The following ZNF407 variants were observed in gnomAD, a reference collection of about 807,000 sequenced individuals.
ZNF407 encodes zinc finger protein 407.
A neutral mutation model predicts 131.2 loss-of-function variants in ZNF407; 17 were observed. That is an observed-to-expected ratio of 0.13 (90% CI 0.09 to 0.19). The LOEUF (loss-of-function observed/expected upper bound fraction) is 0.19, where lower values mean the gene tolerates loss of function less well. Among genes scored for constraint, ZNF407 ranks in the 10% least tolerant of loss-of-function variants. ZNF407 has a pLI of 1.00. For missense variants in ZNF407, 2,681 were observed against 2,830.6 expected (o/e 0.95, Z 1.20); for synonymous variants, 1,156 against 1,062.0 (o/e 1.09, Z -1.72).
At chr18:74,714,584 A>C (rs1337647580) in intron 3 of ZNF407, among the ~76,000 whole-genome samples, 1 of 152,234 alleles carries the variant, frequency 6.6e-6, no homozygotes, top group Non-Finnish European at 1.5e-5. Context: ...TTTGAAGACT[A>C]GTAACTCTTT....
At chr18:75,043,602 C>A (rs1165182060) in intron 8 of ZNF407, among the ~76,000 whole-genome samples, 1 of 152,230 alleles carries the variant, frequency 6.6e-6, no homozygotes, top group Non-Finnish European at 1.5e-5. Flanking sequence ...GCTCCCATTT[C>A]TGCATCTCTA....
chr18:74,864,469 A>G (rs1285257833), intron 4 of ZNF407, among the ~76,000 whole-genome samples: 1 of 152,204 alleles, frequency 6.6e-6, no homozygotes, highest in Admixed American at 6.5e-5. Flanking sequence ...GACCTCCTTC[A>G]AGCAGTTTGG....
chr18:74,917,824 G>A (rs1971793307), intron 7 of ZNF407, among the ~76,000 whole-genome samples: 1 of 152,132 alleles, frequency 6.6e-6, no homozygotes, highest in African/African-American at 2.4e-5. Flanking sequence ...GATGTTTCAT[G>A]CCTAGCATTT....
intron 3 of ZNF407, among the ~76,000 whole-genome samples, chr18:74,655,362 A>G (rs1192724822): frequency 6.6e-6 from 1 of 152,070 alleles, no homozygotes; most frequent in African/African-American, 2.4e-5. Context: ...TTAGAACATA[A>G]TTTAATCAAG....
intron 8 of ZNF407, among the ~76,000 whole-genome samples, chr18:75,041,531 T>C (rs1973372998): frequency 6.6e-6 from 1 of 151,634 alleles, no homozygotes; most frequent in African/African-American, 2.4e-5. Flanking sequence ...ACGATGTCTT[T>C]TTAGCCATGA....
At position 74,738,291 on chromosome 18, in the gene ZNF407, G is replaced by A. The variant is rs571353084; in HGVS notation, c.4803-43137G>A. 4.6e-5 allele frequency among the ~76,000 whole-genome samples: 7 copies of A among 151,916 alleles called. No individual in the cohort carries two copies. In the South Asian group the frequency reaches 8.3e-4, roughly 18 times the overall value. ...AAAAATTAGCCAGGTGTGGCGGTGC[G>A]TGCCTGTAGTCCCAGCTACTTGGGA... is the stretch of plus-strand genomic sequence containing the variant. On this transcript the variant is annotated intron_variant, in intron 3 of 8. Transcript: ENST00000299687.
At position 74,869,364 on chromosome 18, in the gene ZNF407, A is replaced by G. The variant is rs75640973; in HGVS notation, c.4878-7833A>G. On this transcript the variant is annotated intron_variant, in intron 4 of 8. Coordinates refer to ENST00000299687, the MANE Select transcript of ZNF407 (RefSeq NM_017757.3). ...GACTTGACTTCTATGGTTAGTTAAAATTGTTTCAACTTTCCAAGCCCTGCA... is the reference window on the plus strand; with the variant it reads ...GACTTGACTTCTATGGTTAGTTAAAGTTGTTTCAACTTTCCAAGCCCTGCA... 7.0e-3 allele frequency among the ~76,000 whole-genome samples: 1,068 copies of G among 152,304 alleles called. 36 individuals are homozygous for G. The highest frequency in any genetic ancestry group is 0.069 in the East Asian group (358 of 5,186).
intron 4 of ZNF407, among the ~76,000 whole-genome samples, chr18:74,795,142 A>G (rs1019643312): frequency 6.6e-6 from 1 of 152,196 alleles, no homozygotes. Context: ...TCTAGAGAAT[A>G]TTATACAAAT....
At chr18:74,600,869 A>G (rs977086159) in intron 1 of ZNF407, among the ~76,000 whole-genome samples, 1 of 152,224 alleles carries the variant, frequency 6.6e-6, no homozygotes, top group African/African-American at 2.4e-5. Flanking sequence ...GCATAGTGAC[A>G]TGTACACCCT....
At chr18:74,649,915 T>G (rs1015197606) in intron 3 of ZNF407, among the ~76,000 whole-genome samples, 1 of 152,018 alleles carries the variant, frequency 6.6e-6, no homozygotes, top group African/African-American at 2.4e-5. Flanking sequence ...CTAGTTTCAG[T>G]AACCAACAGT....
At chr18:74,850,238 A>G (rs1254058725) in intron 4 of ZNF407, among the ~76,000 whole-genome samples, 1 of 152,198 alleles carries the variant, frequency 6.6e-6, no homozygotes, top group Non-Finnish European at 1.5e-5. Context: ...TAAATCTTTT[A>G]GTGAAAACTC....
At chr18:74,826,181 CA>C (rs1352009276) in intron 4 of ZNF407, among the ~76,000 whole-genome samples, 1 of 152,090 alleles carries the variant, frequency 6.6e-6, no homozygotes, top group Non-Finnish European at 1.5e-5. Flanking sequence ...AAGTTGCCCT[CA>C]ATGAAGGTAT....
chr18:74,688,578 GT>G (rs1967148989), intron 3 of ZNF407, among the ~76,000 whole-genome samples: 1 of 151,996 alleles, frequency 6.6e-6, no homozygotes. Context: ...TTGTGCTTTT[GT>G]TTCTAAAAAC....
chr18:74,841,344 T>C (rs1568237358), intron 4 of ZNF407, among the ~76,000 whole-genome samples: 2 of 152,150 alleles, frequency 1.3e-5, no homozygotes, highest in Non-Finnish European at 1.5e-5. Flanking sequence ...GGCTGCTAAC[T>C]GTTTACCACC....
At chr18:74,699,774 A>C (rs1967448751) in intron 3 of ZNF407, among the ~76,000 whole-genome samples, 1 of 152,210 alleles carries the variant, frequency 6.6e-6, no homozygotes, top group Admixed American at 6.5e-5. Flanking sequence ...AAATATTAAA[A>C]GGAATATTAA....
At chr18:74,694,425 A>AT (rs143873368) in intron 3 of ZNF407, among the ~76,000 whole-genome samples, 2,998 of 148,112 alleles carry the variant, frequency 0.02, 51 homozygotes, top group East Asian at 0.088. Context: ...CCCTTTATTA[A>AT]TTTTTTTTTC....
intron 8 of ZNF407, among the ~76,000 whole-genome samples, chr18:74,968,286 A>G (rs941202230): frequency 1.3e-5 from 2 of 152,212 alleles, no homozygotes; most frequent in African/African-American, 2.4e-5. Flanking sequence ...TTAACTTCCC[A>G]GCTTTTAAAT....
chr18:74,753,566 G>A (rs1431306264), intron 3 of ZNF407, among the ~76,000 whole-genome samples: 2 of 152,188 alleles, frequency 1.3e-5, no homozygotes, highest in Non-Finnish European at 2.9e-5. Flanking sequence ...TTAGCATGAA[G>A]GGCTGTTGAA....
intron 8 of ZNF407, among the ~76,000 whole-genome samples, chr18:74,994,418 G>C (rs1972755516): frequency 6.6e-6 from 1 of 152,202 alleles, no homozygotes; most frequent in African/African-American, 2.4e-5. Flanking sequence ...TCAAAGGGCT[G>C]TTTGCTGAAA....
Sources: allele counts gnomAD v4.1 joint callset (sites outside exome capture counted in the v4.1 genomes callset), GRCh38; gene constraint gnomAD v4.1.1; transcripts MANE v1.5; gene names NCBI Gene and HGNC (gene_info 2026-07-23, HGNC 2026-07-21).